Variants in ZNF143 observed in about 807,000 individuals in gnomAD.
The protein encoded by ZNF143 is zinc finger protein 143, also known as SPH-binding factor.
A neutral mutation model predicts 74.1 loss-of-function variants in ZNF143; 49 were observed. That is an observed-to-expected ratio of 0.66 (90% CI 0.53 to 0.84). ZNF143 has a LOEUF of 0.84. ZNF143 is among the 40% of genes least tolerant of loss of function. ZNF143 has a pLI of 0.00. For synonymous variants in ZNF143, 304 were observed against 282.8 expected (o/e 1.07, Z -0.75); for missense variants, 637 against 793.4 (o/e 0.80, Z 2.37).
intron 7 of ZNF143, among the ~76,000 whole-genome samples, chr11:9,492,146 T>C (rs1847806440): frequency 6.9e-6 from 1 of 144,714 alleles, no homozygotes; most frequent in South Asian, 2.2e-4. Flanking sequence ...AGTCTTGCTC[T>C]GTTTCCCAGG....
intron 1 of ZNF143, among the ~76,000 whole-genome samples, chr11:9,464,339 G>T (rs888182772): frequency 6.6e-6 from 1 of 152,256 alleles, no homozygotes; most frequent in African/African-American, 2.4e-5. Context: ...GGTGGCTCAC[G>T]CCTATAATCC....
intron 7 of ZNF143, among the ~76,000 whole-genome samples, chr11:9,488,204 T>C (rs1053993835): frequency 1.3e-5 from 2 of 152,150 alleles, no homozygotes; most frequent in African/African-American, 4.8e-5. Context: ...GACCTGAGAT[T>C]GCACCACTGC....
rs1168570145 is a variant in ZNF143 at position 9,481,854 on chromosome 11, C to T, written c.645+2308C>T. Among the ~76,000 whole-genome samples the T allele has an allele frequency of 3.4e-5, 5 of 146,612 alleles. No homozygotes were observed. The Admixed American group carries it at 3.4e-4, about 10-fold the overall frequency. ...AATGAGCCAAGATTGTGCCACTGCA[C>T]CCCAGCCTGGGCAACAGAGTGAGAC... On this transcript the variant is annotated intron_variant, in intron 7 of 15. Transcript: ENST00000396602.
intron 7 of ZNF143, among the ~76,000 whole-genome samples, chr11:9,493,392 T>C (rs954442587): frequency 6.6e-6 from 1 of 152,108 alleles, no homozygotes; most frequent in Admixed American, 6.6e-5. Context: ...TATACAAATA[T>C]TTTATCAACA....
Position 9,474,016 on chromosome 11 carries a change from C to G in ZNF143, c.281C>G (p.Pro94Arg). 6.2e-7 allele frequency: 1 copy of G among 1,611,480 alleles called. No individual in the cohort carries two copies. Among genetic ancestry groups the G allele is most frequent in the Non-Finnish European group, 8.5e-7 (1 of 1,177,820 alleles). Residue 94 changes from proline to arginine, a missense_variant, in exon 4 of 16, where the codon CCT (proline) becomes CGT (arginine). Transcript: ENST00000396602. ...SAAYVQHVPI[P>R]KSTGDSLRLE... ...GCCTATGTTCAACATGTACCCATAC[C>G]TAAAAGTAGTAAGTATTTAAGATAA...
chr11:9,509,784 G>A (rs1848476373), intron 12 of ZNF143, among the ~76,000 whole-genome samples: 1 of 152,120 alleles, frequency 6.6e-6, no homozygotes, highest in Non-Finnish European at 1.5e-5. Flanking sequence ...CAGTCTTCAT[G>A]GTGATTATTT....
chr11:9,498,115 C>G (rs1290788012), intron 10 of ZNF143, among the ~76,000 whole-genome samples: 2 of 152,270 alleles, frequency 1.3e-5, no homozygotes, highest in Non-Finnish European at 2.9e-5. Context: ...CAGGCGTGAG[C>G]CACCGCGCCC....
intron 1 of ZNF143, among the ~76,000 whole-genome samples, chr11:9,462,875 CA>C (rs549811819): frequency 1.5e-3 from 219 of 150,886 alleles, no homozygotes; most frequent in African/African-American, 4.7e-3. Context: ...AACTCCGTCT[CA>C]AAAAAAAAGT....
In ZNF143 at chr11:9,461,093, G is replaced by A. The variant is rs1855787186; in HGVS notation, c.-8+17G>A. The A allele has an allele frequency of 1.0e-6, 1 of 985,698 alleles. No homozygotes were observed. The highest frequency in any genetic ancestry group is 1.1e-4 in the East Asian group (1 of 8,784). The allele number at this position is 985,698 out of a possible 1,614,324, so 61.1% of individuals were successfully genotyped here. A position where few individuals can be genotyped will look rare whatever the true frequency, so the allele number is the denominator to read the frequency against. ...TTCTCGGAGGTTCGTATATAAATGT[G>A]TTTTTACCCAGTGTGCATTATTCTC... On this transcript the variant is annotated intron_variant, in intron 1 of 15. Coordinates refer to ENST00000396602, the MANE Select transcript of ZNF143 (RefSeq NM_003442.6).
intron 12 of ZNF143, 61 bp from the exon 13 acceptor site, chr11:9,512,387 G>A (rs1415236020): frequency 1.3e-6 from 2 of 1,557,618 alleles, no homozygotes; most frequent in African/African-American, 2.7e-5. Flanking sequence ...TATTTAAAAT[G>A]TCCTATTTTC....
At position 9,505,349 on chromosome 11, in the gene ZNF143, G is replaced by A. The variant is rs1416075896; in HGVS notation, c.1148-3270G>A. On this transcript the variant is annotated intron_variant, in intron 11 of 15. Transcript: ENST00000396602. ...CAGTGTCGTGACCTCAGCTCACTGC[G>A]ACCTCTGCCTCCTGGGTTCAAGTGA... is the stretch of plus-strand genomic sequence containing the variant. Among the ~76,000 whole-genome samples, 7 of 141,862 alleles carry A rather than the reference G, an allele frequency of 4.9e-5. No homozygotes were observed. In the South Asian group the frequency reaches 9.1e-4, roughly 18 times the overall value. 93.1% of individuals were successfully genotyped at this position (141,862 alleles called of 152,430 possible).
intron 7 of ZNF143, among the ~76,000 whole-genome samples, chr11:9,491,208 G>C (rs1200198258): frequency 6.6e-6 from 1 of 151,940 alleles, no homozygotes; most frequent in African/African-American, 2.4e-5. Flanking sequence ...AACATAGCAA[G>C]ACTCCAGTCT....
chr11:9,503,200 T>C (rs1367092376), intron 11 of ZNF143, among the ~76,000 whole-genome samples: 2 of 152,040 alleles, frequency 1.3e-5, no homozygotes, highest in African/African-American at 2.4e-5. Flanking sequence ...AGTAACTGAA[T>C]AGTATTTCAT....
intron 4 of ZNF143, 149 bp from the exon 5 acceptor site, chr11:9,474,401 C>G: frequency 2.7e-6 from 2 of 751,216 alleles, no homozygotes; most frequent in African/African-American, 1.8e-5. Flanking sequence ...CGCAGGGAAG[C>G]TTTACTGAAC....
chr11:9,462,639 C>T (rs1489653012), intron 1 of ZNF143, among the ~76,000 whole-genome samples: 15 of 151,806 alleles, frequency 9.9e-5, no homozygotes, highest in African/African-American at 2.4e-4. Flanking sequence ...TTTGGGAGGC[C>T]GAGGCCAGCG....
chr11:9,471,989 G>A (rs1490444148), intron 2 of ZNF143, among the ~76,000 whole-genome samples: 1 of 150,680 alleles, frequency 6.6e-6, no homozygotes, highest in Non-Finnish European at 1.5e-5. Context: ...GAGTGCAGTG[G>A]TATGATCACG....
chr11:9,469,090 C>T (rs180988117), intron 1 of ZNF143, among the ~76,000 whole-genome samples: 197 of 149,968 alleles, frequency 1.3e-3, no homozygotes, highest in African/African-American at 4.6e-3. Flanking sequence ...TCTGAGATCA[C>T]GCCATTGCAC....
intron 1 of ZNF143, among the ~76,000 whole-genome samples, chr11:9,461,344 C>T (rs1186737713): frequency 1.3e-5 from 2 of 152,226 alleles, no homozygotes; most frequent in Non-Finnish European, 2.9e-5. Context: ...GAGCGATGCG[C>T]CCCGCCTGTT....
intron 15 of ZNF143, among the ~76,000 whole-genome samples, chr11:9,527,195 C>G (rs1180856975): frequency 2.0e-5 from 3 of 152,164 alleles, no homozygotes; most frequent in Non-Finnish European, 4.4e-5. Context: ...TGGTCTCGAA[C>G]TCCTGGGCTC....
Sources: allele counts gnomAD v4.1 joint callset (sites outside exome capture counted in the v4.1 genomes callset), GRCh38; gene constraint gnomAD v4.1.1; transcripts MANE v1.5; gene names NCBI Gene and HGNC (gene_info 2026-07-23, HGNC 2026-07-21).